Variants in DNAH8 observed in about 807,000 individuals in gnomAD.
DNAH8 encodes the protein dynein axonemal heavy chain 8.
DNAH8 carries 382 observed loss-of-function variants against 562.1 expected under a neutral mutation model. That is an observed-to-expected ratio of 0.68 (90% CI 0.63 to 0.74). DNAH8 has a LOEUF of 0.74. DNAH8 is among the 30% of genes least tolerant of loss of function. The pLI is 0.00. For synonymous variants in DNAH8, 1,881 were observed against 1,919.4 expected (o/e 0.98, Z 0.52); for missense variants, 5,203 against 5,620.4 (o/e 0.93, Z 2.37).
chr6:38,722,958 C>G lies in DNAH8; in HGVS notation c.149C>G (p.Ser50Cys). ...EAPAEDGFSP[S>C]AEDAVSSVVD... is the part of the protein sequence containing the mutation. ...CCGGCAGAAGATGGTTTCTCTCCTT[C>G]CGCAGAAGATGCTGTTTCTTCTGTG... The change falls in exon 2 of 93, where the codon TCC (serine) becomes TGC (cysteine). Residue 50 changes from serine to cysteine, a missense_variant. Physicochemically the swap from Ser to Cys is moderately radical, Grantham distance 112. This residue lies in a region of DNAH8 where 556 missense variants were observed against 496.9 expected (regional missense o/e 1.12). Coordinates refer to ENST00000327475, the MANE Select transcript of DNAH8 (RefSeq NM_001206927.2). 1 of 1,612,784 alleles carries G rather than the reference C, an allele frequency of 6.2e-7. No homozygotes were observed. The highest frequency in any genetic ancestry group is 8.5e-7 in the Non-Finnish European group (1 of 1,179,838).
rs373965207 is a variant in DNAH8 at position 38,923,155 on chromosome 6, A to G, written c.10760A>G (p.Gln3587Arg). The change falls in exon 72 of 93, where the codon CAA (glutamine) becomes CGA (arginine). Residue 3587 changes from glutamine (Q) to arginine (R), a missense_variant. By Grantham distance (43) the Gln-to-Arg change is conservative. Transcript: ENST00000327475. ...GGAGAAAAAATCCGGTGGACCCAGCAAAGTAAAGAATTCAAAGCTCAGATT... is the reference window on the plus strand; with the variant it reads ...GGAGAAAAAATCCGGTGGACCCAGCGAAGTAAAGAATTCAAAGCTCAGATT... ...LSGEKIRWTQ[Q>R]SKEFKAQINR... 3.1e-6 allele frequency: 5 copies of G among 1,613,774 alleles called. No individual in the cohort carries two copies. Among genetic ancestry groups the G allele is most frequent in the Admixed American group, 1.7e-5 (1 of 60,000 alleles).
intron 73 of DNAH8, 77 bp downstream of exon 73, chr6:38,924,239 G>A (rs1388795178): frequency 6.9e-7 from 1 of 1,455,782 alleles, no homozygotes; most frequent in East Asian, 2.3e-5. Context: ...CCGGCTGGGT[G>A]TGGTGGCTCA....
intron 4 of DNAH8, among the ~76,000 whole-genome samples, chr6:38,730,607 A>G (rs1325795630): frequency 6.6e-6 from 1 of 152,214 alleles, no homozygotes; most frequent in Non-Finnish European, 1.5e-5. Flanking sequence ...GGTGTTCCAG[A>G]TTGAAAACCA....
chr6:38,889,818 A>G (rs1186319317), intron 57 of DNAH8, among the ~76,000 whole-genome samples: 2 of 152,214 alleles, frequency 1.3e-5, no homozygotes, highest in African/African-American at 2.4e-5. Context: ...CAATTCTTCA[A>G]TTAGTGTGAA....
intron 3 of DNAH8, among the ~76,000 whole-genome samples, chr6:38,725,366 C>T (rs185353530): frequency 5.6e-4 from 84 of 148,994 alleles, no homozygotes; most frequent in Non-Finnish European, 8.8e-4. Context: ...TGATACAGTG[C>T]ATTGCTAAAT....
In DNAH8 at chr6:38,908,915, T is replaced by C. The variant is rs565019896; in HGVS notation, c.9514-603T>C. Among the ~76,000 whole-genome samples the C allele has an allele frequency of 6.6e-5, 10 of 152,322 alleles. No individual in the cohort carries two copies. The South Asian group carries it at 1.5e-3, about 22-fold the overall frequency. Reference sequence around the variant, plus strand: ...AATAGCTACCACACTGGAAAGCATATATATAAAGCATTTTTATTATCACTT... The same window carrying C: ...AATAGCTACCACACTGGAAAGCATACATATAAAGCATTTTTATTATCACTT... On this transcript the variant is annotated intron_variant, in intron 64 of 92. Transcript: ENST00000327475.
In DNAH8 at chr6:38,789,854, G is replaced by A. The variant is rs764327756; in HGVS notation, c.2635G>A (p.Val879Ile). ...ATGTCAGGAAGTGCCTTCTGTGTTTGTCAATCTGATGACCCCAAAAATGAA... is the reference window on the plus strand; with the variant it reads ...ATGTCAGGAAGTGCCTTCTGTGTTTATCAATCTGATGACCCCAAAAATGAA... ...ELCQEVPSVF[V>I]NLMTPKMKKV... The change falls in exon 19 of 93, where the codon GTC becomes ATC. Residue 879 changes from valine (V) to isoleucine (I), a missense_variant. Coordinates refer to ENST00000327475, the MANE Select transcript of DNAH8 (RefSeq NM_001206927.2). 6.2e-7 allele frequency: 1 copy of A among 1,613,206 alleles called. No individual in the cohort carries two copies. The highest frequency in any genetic ancestry group is 8.5e-7 in the Non-Finnish European group (1 of 1,179,514).
At chr6:38,737,497 T>A (rs1764190165) in intron 6 of DNAH8, among the ~76,000 whole-genome samples, 1 of 151,660 alleles carries the variant, frequency 6.6e-6, no homozygotes, top group East Asian at 1.9e-4. Flanking sequence ...TTAATGAAAA[T>A]TTTCACCATA....
chr6:38,877,446 T>C (rs1004250710), intron 53 of DNAH8, among the ~76,000 whole-genome samples: 1 of 152,206 alleles, frequency 6.6e-6, no homozygotes, highest in African/African-American at 2.4e-5. Context: ...TTGACAACAA[T>C]CTAGACTCAT....
chr6:38,865,450 C>T (rs1437596624), intron 45 of DNAH8, among the ~76,000 whole-genome samples: 2 of 152,170 alleles, frequency 1.3e-5, no homozygotes, highest in Non-Finnish European at 2.9e-5. Flanking sequence ...TTAGATATTG[C>T]ATTAAGCTGT....
intron 31 of DNAH8, among the ~76,000 whole-genome samples, chr6:38,834,247 CA>C (rs1774091466): frequency 6.6e-6 from 1 of 152,130 alleles, no homozygotes; most frequent in South Asian, 2.1e-4. Context: ...AATTTTGTCA[CA>C]TTTTTTATTA....
chr6:38,815,421 G>C, intron 25 of DNAH8, 47 bp from the exon 26 acceptor site: 2 of 1,476,810 alleles, frequency 1.4e-6, no homozygotes, highest in South Asian at 2.4e-5. Flanking sequence ...TTGAGGGATG[G>C]ACTGTATGTG....
At chr6:38,723,606 G>A in intron 3 of DNAH8, 135 bp downstream of exon 3, 1 of 1,151,760 alleles carries the variant, frequency 8.7e-7, no homozygotes, top group Non-Finnish European at 1.2e-6. Flanking sequence ...AGGGCACAGT[G>A]GCTCATGCCT....
At chr6:38,915,519 A>T in intron 68 of DNAH8, 142 bp downstream of exon 68, 4 of 741,596 alleles carry the variant, frequency 5.4e-6, no homozygotes, top group Middle Eastern at 3.6e-4. Flanking sequence ...TGTGTCAATT[A>T]ATTCAGTTTT....
intron 75 of DNAH8, 94 bp downstream of exon 75, chr6:38,929,760 A>AT: frequency 9.0e-7 from 1 of 1,107,802 alleles, no homozygotes; most frequent in Admixed American, 3.1e-5. Flanking sequence ...GAAAAGAACA[A>AT]TGGTGACATC....
At position 39,030,554 on chromosome 6, in the gene DNAH8, C is replaced by T. The variant is rs1767606982; in HGVS notation, c.*162C>T. ...ATTGCTAGTGCGTGTGTGTTTTCCT[C>T]ACATATCAATATTCAAAAAGATAAC... On this transcript the variant is annotated 3_prime_UTR_variant, in exon 93 of 93. Coordinates refer to ENST00000327475, the MANE Select transcript of DNAH8 (RefSeq NM_001206927.2). 5.1e-6 allele frequency: 3 copies of T among 587,848 alleles called. No individual in the cohort carries two copies. Among genetic ancestry groups the T allele is most frequent in the Admixed American group, 3.3e-5 (1 of 30,418 alleles). 36.4% of individuals were successfully genotyped at this position (587,848 alleles called of 1,614,324 possible).
chr6:38,947,337 C>T (rs56737832), intron 80 of DNAH8, among the ~76,000 whole-genome samples: 12,018 of 152,248 alleles, frequency 0.079, 1,495 homozygotes, highest in African/African-American at 0.27. Context: ...GAAGATCAAT[C>T]TCCCAGCTGA....
chr6:38,935,931 C>A (rs1782921305), intron 77 of DNAH8, among the ~76,000 whole-genome samples: 1 of 152,044 alleles, frequency 6.6e-6, no homozygotes, highest in South Asian at 2.1e-4. Context: ...GATATAATTG[C>A]TTTCTCCTGA....
intron 31 of DNAH8, among the ~76,000 whole-genome samples, chr6:38,833,039 C>T (rs1055854723): frequency 2.0e-5 from 3 of 151,900 alleles, no homozygotes; most frequent in East Asian, 3.9e-4. Flanking sequence ...TCTTAGAGAA[C>T]CAAAAAGGTC....
Sources: gnomAD v4.1 joint callset for allele counts (sites outside exome capture counted in the v4.1 genomes callset) on GRCh38, gnomAD v4.1.1 for gene constraint, gnomAD v4.1.1 regional missense constraint, MANE v1.5 for transcripts, NCBI Gene and HGNC (gene_info 2026-07-23, HGNC 2026-07-21) for gene names.